Variants in SPSB4 observed in about 807,000 individuals in gnomAD.
The protein encoded by SPSB4 is SPRY domain-containing SOCS box protein 4.
In SPSB4, 21 loss-of-function variants were observed where a neutral mutation model predicts 20.9. That is an observed-to-expected ratio of 1.01 (90% CI 0.71 to 1.45). The LOEUF is 1.45. SPSB4 is among the 40% of genes most tolerant of loss of function. The pLI, the probability that SPSB4 is intolerant of heterozygous loss-of-function variation, is 0.00. For synonymous variants in SPSB4, 207 were observed against 183.8 expected (o/e 1.13, Z -1.02); for missense variants, 399 against 399.2 (o/e 1.00, Z 0.00).
chr3:141,120,873 A>G (rs1281618357), intron 2 of SPSB4, among the ~76,000 whole-genome samples: 17 of 152,140 alleles, frequency 1.1e-4, no homozygotes, highest in Non-Finnish European at 4.4e-5. Context: ...CCAATTTGCC[A>G]GTCTGTGCCT....
intron 2 of SPSB4, among the ~76,000 whole-genome samples, chr3:141,105,096 C>T (rs1559849717): frequency 6.6e-6 from 1 of 152,190 alleles, no homozygotes; most frequent in East Asian, 1.9e-4. Flanking sequence ...ATCTTTAGCA[C>T]CATACATTCA....
chr3:141,059,973 C>T (rs1475579603), intron 1 of SPSB4, among the ~76,000 whole-genome samples: 1 of 152,204 alleles, frequency 6.6e-6, no homozygotes, highest in East Asian at 1.9e-4. Context: ...GTCTCCTGTC[C>T]TTCATTAGAT....
chr3:141,141,929 T>C (rs1248084278), intron 2 of SPSB4, among the ~76,000 whole-genome samples: 5 of 152,214 alleles, frequency 3.3e-5, no homozygotes, highest in Admixed American at 3.3e-4. Flanking sequence ...ATTTGGATCT[T>C]CTCTTGTCTT....
intron 2 of SPSB4, among the ~76,000 whole-genome samples, chr3:141,072,074 G>T (rs759414311): frequency 5.9e-5 from 9 of 152,234 alleles, no homozygotes; most frequent in Non-Finnish European, 1.5e-5. Flanking sequence ...TCTGGGCCTG[G>T]TCGCCCCTTT....
chr3:141,100,540 G>T (rs1201957706), intron 2 of SPSB4, among the ~76,000 whole-genome samples: 1 of 152,234 alleles, frequency 6.6e-6, no homozygotes, highest in Non-Finnish European at 1.5e-5. Flanking sequence ...AACCAACCCT[G>T]TAGACACCTT....
intron 2 of SPSB4, among the ~76,000 whole-genome samples, chr3:141,112,639 C>T (rs1261535141): frequency 1.2e-3 from 89 of 72,282 alleles, no homozygotes; most frequent in Admixed American, 7.0e-3. Flanking sequence ...AGCGAGACTC[C>T]GTCTCAAAAA....
chr3:141,134,049 C>CTTTTTTTTTTTTTTTTTTT (rs1939184001), intron 2 of SPSB4, among the ~76,000 whole-genome samples: 66 of 63,852 alleles, frequency 1.0e-3, no homozygotes, highest in Middle Eastern at 0.01. Context: ...TTTTTTTTTT[C>CTTTTTTTTTTTTTTTTTTT]TTTTTTCTTT....
chr3:141,054,855 C>T (rs1283908501), intron 1 of SPSB4, among the ~76,000 whole-genome samples: 1 of 152,120 alleles, frequency 6.6e-6, no homozygotes, highest in Non-Finnish European at 1.5e-5. Flanking sequence ...GTCCCAGCTG[C>T]TGGGGAGGCT....
intron 2 of SPSB4, among the ~76,000 whole-genome samples, chr3:141,107,066 A>T (rs1938706097): frequency 6.6e-6 from 1 of 152,206 alleles, no homozygotes. Context: ...CCCCTGAACC[A>T]GTCAGTCACA....
At position 141,147,557 on chromosome 3, in the gene SPSB4, C is replaced by G. The variant is rs1939434341; in HGVS notation, c.*288C>G. 4.8e-6 allele frequency: 2 copies of G among 413,788 alleles called. No individual in the cohort carries two copies. The highest frequency in any genetic ancestry group is 8.9e-6 in the Non-Finnish European group (2 of 224,988). The allele number at this position is 413,788 out of a possible 1,614,324, so 25.6% of individuals were successfully genotyped here. On this transcript the variant is annotated 3_prime_UTR_variant, in exon 3 of 3. Transcript: ENST00000310546. ...GGAAATCCTGCCACCAACCAGGACA[C>G]AGCAGCCACCGTATTGATCAGAGAG...
rs1939118673 is a variant in SPSB4 at position 141,130,778 on chromosome 3, T to A, written c.695-16364T>A. Among the ~76,000 whole-genome samples, 4 of 152,154 alleles carry A rather than the reference T, an allele frequency of 2.6e-5. No individual in the cohort carries two copies. The South Asian group carries it at 8.3e-4, about 32-fold the overall frequency. On this transcript the variant is annotated intron_variant, in intron 2 of 2. Coordinates refer to ENST00000310546, the MANE Select transcript of SPSB4 (RefSeq NM_080862.3). ...GCCATCATAACTGGATGCAATAACTTTCCCCATTTTATTGATAGCTAAACA... is the reference window on the plus strand; with the variant it reads ...GCCATCATAACTGGATGCAATAACTATCCCCATTTTATTGATAGCTAAACA...
chr3:141,102,312 A>G (rs906753814), intron 2 of SPSB4, among the ~76,000 whole-genome samples: 11 of 152,134 alleles, frequency 7.2e-5, no homozygotes, highest in African/African-American at 2.7e-4. Flanking sequence ...CAGGGATCCT[A>G]CCCCATGGAA....
At chr3:141,053,079 G>A (rs1478410013) in intron 1 of SPSB4, among the ~76,000 whole-genome samples, 1 of 152,122 alleles carries the variant, frequency 6.6e-6, no homozygotes, top group Non-Finnish European at 1.5e-5. Context: ...TGTGACCTTG[G>A]GCAAGTTCTC....
chr3:141,085,892 G>C (rs1348610214), intron 2 of SPSB4, among the ~76,000 whole-genome samples: 1 of 152,234 alleles, frequency 6.6e-6, no homozygotes, highest in Non-Finnish European at 1.5e-5. Context: ...CCCCAAAGCA[G>C]AGCGGAATTT....
intron 2 of SPSB4, among the ~76,000 whole-genome samples, chr3:141,114,389 C>T (rs557927129): frequency 1.6e-4 from 24 of 152,326 alleles, no homozygotes; most frequent in African/African-American, 5.8e-4. Context: ...TTGGAACTAA[C>T]TCCTATGGGT....
chr3:141,134,056 CTTTTTT>C (rs1222303281), intron 2 of SPSB4, among the ~76,000 whole-genome samples: 1 of 61,632 alleles, frequency 1.6e-5, no homozygotes, highest in Admixed American at 2.2e-4. Flanking sequence ...TTTCTTTTTT[CTTTTTT>C]TTTTTTTTTT....
intron 2 of SPSB4, among the ~76,000 whole-genome samples, chr3:141,069,270 TG>T (rs1175973063): frequency 1.3e-5 from 2 of 151,966 alleles, no homozygotes; most frequent in Admixed American, 1.3e-4. Context: ...GACTCCAGAG[TG>T]GGCCATAGGA....
intron 2 of SPSB4, among the ~76,000 whole-genome samples, chr3:141,069,482 G>A (rs775929892): frequency 6.6e-6 from 1 of 152,182 alleles, no homozygotes; most frequent in South Asian, 2.1e-4. Context: ...TGGACATGGT[G>A]GCAGGTCCCC....
intron 2 of SPSB4, among the ~76,000 whole-genome samples, chr3:141,132,559 C>A (rs1939153147): frequency 6.6e-6 from 1 of 152,128 alleles, no homozygotes; most frequent in Non-Finnish European, 1.5e-5. Context: ...TGAGTTACTT[C>A]TCTTAGAATA....
Sources: gnomAD v4.1 joint callset for allele counts (sites outside exome capture counted in the v4.1 genomes callset) on GRCh38, gnomAD v4.1.1 for gene constraint, MANE v1.5 for transcripts, NCBI Gene and HGNC (gene_info 2026-07-23, HGNC 2026-07-21) for gene names.